Variants in ZNF431 observed in about 807,000 individuals in gnomAD.
The protein encoded by ZNF431 is zinc finger protein 431.
In ZNF431, 34 loss-of-function variants were observed where a neutral mutation model predicts 57.0. The ratio of observed to expected loss-of-function variants is 0.60; its 90% CI spans 0.45 to 0.79. The LOEUF (loss-of-function observed/expected upper bound fraction) is 0.79. Among genes scored for constraint, ZNF431 ranks in the 30% least tolerant of loss-of-function variants. The pLI is 0.00. For missense variants in ZNF431, 607 were observed against 667.1 expected (o/e 0.91, Z 0.99); for synonymous variants, 207 against 220.3 (o/e 0.94, Z 0.54).
At chr19:21,151,759 A>T (rs1268682417) in intron 2 of ZNF431, among the ~76,000 whole-genome samples, 1 of 152,226 alleles carries the variant, frequency 6.6e-6, no homozygotes, top group Non-Finnish European at 1.5e-5. Flanking sequence ...AAGAATACAG[A>T]AAGACAAATT....
chr19:21,149,829 G>T, intron 2 of ZNF431: 1 of 653,570 alleles, frequency 1.5e-6, no homozygotes, highest in Non-Finnish European at 2.8e-6. Context: ...GAGTTAACCT[G>T]TGTGAAGACG....
At position 21,189,135 on chromosome 19, in the gene ZNF431, C is replaced by T. The variant is rs1015848679; in HGVS notation, c.*5101C>T. ...TAGAATCTGTACTTTTTCTGTAGAA[C>T]GTAATATTTTGAAGTATATATATAG... On this transcript the variant is annotated 3_prime_UTR_variant, in exon 5 of 5. Coordinates refer to ENST00000311048, the MANE Select transcript of ZNF431 (RefSeq NM_133473.4). 6.6e-5 allele frequency: 10 copies of T among 151,870 alleles called. No homozygotes were observed. In the South Asian group the frequency reaches 8.3e-4, roughly 13 times the overall value. 9.4% of individuals were successfully genotyped at this position (151,870 alleles called of 1,614,324 possible). A position where few individuals can be genotyped will look rare whatever the true frequency, so the allele number is the denominator to read the frequency against.
chr19:21,161,251 T>G (rs1029986470), intron 2 of ZNF431, among the ~76,000 whole-genome samples: 2 of 152,112 alleles, frequency 1.3e-5, no homozygotes, highest in African/African-American at 4.8e-5. Flanking sequence ...ACTGGGTACA[T>G]GGTTGAATTA....
Position 21,154,840 on chromosome 19 carries a change from A to G in ZNF431, c.96+11197A>G, listed in dbSNP as rs542548281. Among the ~76,000 whole-genome samples the G allele has an allele frequency of 4.6e-5, 7 of 152,166 alleles. No individual in the cohort carries two copies. The South Asian group carries it at 1.2e-3, about 27-fold the overall frequency. On this transcript the variant is annotated intron_variant, in intron 2 of 4. Transcript: ENST00000311048. ...CTTCTTTTGAGAAGTGTCTGTTCATATCCTTTGCCCACTTGTTGATGGGGT... is the reference window on the plus strand; with the variant it reads ...CTTCTTTTGAGAAGTGTCTGTTCATGTCCTTTGCCCACTTGTTGATGGGGT...
chr19:21,163,938 G>A (rs953079712), intron 2 of ZNF431, among the ~76,000 whole-genome samples: 2 of 151,842 alleles, frequency 1.3e-5, no homozygotes, highest in Non-Finnish European at 2.9e-5. Flanking sequence ...AAAATTAGCT[G>A]GGTGTGGTGG....
rs1231400990 is a variant in ZNF431 at position 21,185,828 on chromosome 19, T to A, written c.*1794T>A. The A allele has an allele frequency of 6.6e-6, 1 of 152,190 alleles. No homozygotes were observed. The highest frequency in any genetic ancestry group is 1.5e-5 in the Non-Finnish European group (1 of 68,032). 9.4% of individuals were successfully genotyped at this position (152,190 alleles called of 1,614,324 possible). On this transcript the variant is annotated 3_prime_UTR_variant, in exon 5 of 5. Transcript: ENST00000311048. ...AGGGTTAAGTAAGGCATCCATCATC[T>A]GTAGCATTTCTCCTTTGTTTTACAA...
At chr19:21,143,859 G>C (rs993345159) in intron 2 of ZNF431, among the ~76,000 whole-genome samples, 1 of 151,986 alleles carries the variant, frequency 6.6e-6, no homozygotes, top group African/African-American at 2.4e-5. Context: ...AGATAAAATA[G>C]TATCCCAAAA....
rs934743111 is a variant in ZNF431, at chr19:21,186,445, T to C, written c.*2411T>C. ...TGTAAGAAAATTATGGAGTTAAGTATGTGTGTGTGAGTATGAGTTTGTACA... is the reference window on the plus strand; with the variant it reads ...TGTAAGAAAATTATGGAGTTAAGTACGTGTGTGTGAGTATGAGTTTGTACA... On this transcript the variant is annotated 3_prime_UTR_variant, in exon 5 of 5. Transcript: ENST00000311048. The C allele has an allele frequency of 6.6e-5, 10 of 152,174 alleles. No homozygotes were observed. The highest frequency in any genetic ancestry group is 2.6e-4 in the Admixed American group (4 of 15,272). 9.4% of individuals were successfully genotyped at this position (152,174 alleles called of 1,614,324 possible).
At chr19:21,157,300 G>A (rs200535679) in intron 2 of ZNF431, among the ~76,000 whole-genome samples, 1 of 151,968 alleles carries the variant, frequency 6.6e-6, no homozygotes, top group Non-Finnish European at 1.5e-5. Flanking sequence ...ATCACGCCCG[G>A]CTAATTTTTG....
chr19:21,189,938 G>C lies in ZNF431; in HGVS notation c.*5904G>C. On this transcript the variant is annotated 3_prime_UTR_variant, in exon 5 of 5. Transcript: ENST00000311048. Reference sequence around the variant, plus strand: ...GCCAGTGGATTGCTTGAGCCCAGGAGTTTGAGACCAGCCTGGACAACGTGG... The same window carrying C: ...GCCAGTGGATTGCTTGAGCCCAGGACTTTGAGACCAGCCTGGACAACGTGG... The C allele has an allele frequency of 2.5e-6, 1 of 397,854 alleles. No individual in the cohort carries two copies. Among genetic ancestry groups the C allele is most frequent in the Non-Finnish European group, 4.4e-6 (1 of 226,030 alleles). The allele number at this position is 397,854 out of a possible 1,614,324, so 24.6% of individuals were successfully genotyped here.
intron 1 of ZNF431, 89 bp downstream of exon 1, chr19:21,142,275 G>A (rs1599567531): frequency 6.4e-7 from 1 of 1,567,350 alleles, no homozygotes; most frequent in Non-Finnish European, 8.8e-7. Context: ...AGGCCTCCCC[G>A]CAGTCAGCTC....
Position 21,171,723 on chromosome 19 carries a change from T to A in ZNF431, c.319+4057T>A, listed in dbSNP as rs1235194649. 8.7e-4 allele frequency among the ~76,000 whole-genome samples: 122 copies of A among 140,498 alleles called. 3 individuals are homozygous for A. Among genetic ancestry groups the A allele is most frequent in the South Asian group, 6.2e-3 (27 of 4,356 alleles). 92.2% of individuals were successfully genotyped at this position (140,498 alleles called of 152,430 possible). A position where few individuals can be genotyped will look rare whatever the true frequency, so the allele number is the denominator to read the frequency against. ...ATATATATATATATATTTTTTTTTT[T>A]TTTTTTTTTTTTTTTTAGACAGAGT... On this transcript the variant is annotated intron_variant, in intron 4 of 4. Transcript: ENST00000311048.
chr19:21,167,694 A>G (rs1312510726), intron 4 of ZNF431, 28 bp downstream of exon 4: 21 of 1,479,026 alleles, frequency 1.4e-5, no homozygotes, highest in Non-Finnish European at 1.8e-5. Flanking sequence ...AAAACAGATG[A>G]CACAGATGAG....
chr19:21,147,623 T>C (rs1011527379), intron 2 of ZNF431, among the ~76,000 whole-genome samples: 19 of 149,418 alleles, frequency 1.3e-4, no homozygotes, highest in Non-Finnish European at 2.2e-4. Context: ...AAAAAAACCA[T>C]GATTGACAAG....
At chr19:21,169,320 A>T (rs1171335026) in intron 4 of ZNF431, among the ~76,000 whole-genome samples, 1 of 151,838 alleles carries the variant, frequency 6.6e-6, no homozygotes, top group Non-Finnish European at 1.5e-5. Context: ...ATGGCTTTTA[A>T]AAAATGTTCT....
At chr19:21,162,613 C>T (rs1970607049) in intron 2 of ZNF431, 1 of 581,778 alleles carries the variant, frequency 1.7e-6, no homozygotes. Flanking sequence ...CCAGATTCAC[C>T]CTTTTTGGAG....
chr19:21,162,068 C>T (rs1230788884), intron 2 of ZNF431, among the ~76,000 whole-genome samples: 3 of 151,912 alleles, frequency 2.0e-5, no homozygotes, highest in African/African-American at 7.3e-5. Flanking sequence ...CCTCTGTCTC[C>T]CAGGTTCAAG....
rs1377791359 is a variant in ZNF431 at position 21,161,695 on chromosome 19, G to A, written c.97-4640G>A. Among the ~76,000 whole-genome samples, 7 of 151,882 alleles carry A rather than the reference G, an allele frequency of 4.6e-5. No homozygotes were observed. In the East Asian group the frequency reaches 5.8e-4, roughly 13 times the overall value. On this transcript the variant is annotated intron_variant, in intron 2 of 4. Transcript: ENST00000311048. ...TAAGATGGAGTTTTGCTCTTGTTGC[G>A]CAGGCTGGAGTGCAGTGGCGCAATC...
intron 2 of ZNF431, among the ~76,000 whole-genome samples, chr19:21,151,691 G>A (rs1970278192): frequency 6.6e-6 from 1 of 152,184 alleles, no homozygotes; most frequent in Non-Finnish European, 1.5e-5. Context: ...ATCTTGAACA[G>A]CAGCCTTAAG....
Sources: allele counts gnomAD v4.1 joint callset (sites outside exome capture counted in the v4.1 genomes callset), GRCh38; gene constraint gnomAD v4.1.1; transcripts MANE v1.5; gene names NCBI Gene and HGNC (gene_info 2026-07-23, HGNC 2026-07-21).